PLPPR1: variants seen among roughly 807,000 people sequenced by gnomAD.
PLPPR1 encodes the protein phospholipid phosphatase related 1, also known as phospholipid phosphatase-related protein type 1.
A neutral mutation model predicts 33.1 loss-of-function variants in PLPPR1; 10 were observed. That is an observed-to-expected ratio of 0.30 (90% confidence interval 0.19 to 0.51). PLPPR1 has a LOEUF of 0.51. Among genes scored for constraint, PLPPR1 ranks in the 20% least tolerant of loss-of-function variants. PLPPR1 has a pLI of 0.97. For missense variants in PLPPR1, 304 were observed against 408.1 expected, an observed-to-expected ratio of 0.74 and a Z score of 2.20; for synonymous variants, 151 against 151.0, an observed-to-expected ratio of 1.00 and a Z score of 0.00.
chr9:101,244,646 GTC>G (rs1207866766), intron 2 of PLPPR1, among the ~76,000 whole-genome samples: 3 of 151,846 alleles, frequency 2.0e-5, no homozygotes, highest in African/African-American at 7.3e-5. Flanking sequence ...GCACATATAA[GTC>G]TCTATAATTT....
At chr9:101,260,652 C>T (rs904352559) in intron 2 of PLPPR1, among the ~76,000 whole-genome samples, 2 of 152,004 alleles carry the variant, frequency 1.3e-5, no homozygotes, top group Non-Finnish European at 2.9e-5. Flanking sequence ...ATAATGAGTT[C>T]CAGTTTAGAC....
intron 2 of PLPPR1, among the ~76,000 whole-genome samples, chr9:101,201,723 G>C (rs1442421459): frequency 2.6e-5 from 4 of 152,130 alleles, no homozygotes; most frequent in Non-Finnish European, 5.9e-5. Context: ...CCTTGTATCA[G>C]TTCACGGGTA....
intron 1 of PLPPR1, among the ~76,000 whole-genome samples, chr9:101,136,001 C>T (rs149542222): frequency 2.6e-5 from 4 of 152,280 alleles, no homozygotes; most frequent in East Asian, 3.9e-4. Context: ...TAGTGTGTTC[C>T]GTGACTGAAG....
Position 101,324,422 on chromosome 9 carries a change from CCA to C in PLPPR1, c.*368_*369del, listed in dbSNP as rs1252999758. The C allele has an allele frequency of 5.8e-6, 1 of 171,270 alleles. No homozygotes were observed. Among genetic ancestry groups the C allele is most frequent in the African/African-American group, 2.4e-5 (1 of 42,136 alleles). The allele number at this position is 171,270 out of a possible 1,614,324, so 10.6% of individuals were successfully genotyped here. On this transcript the variant is annotated 3_prime_UTR_variant, in exon 8 of 8. Transcript: ENST00000374874. ...AACAATTCACTTTAAACTTTTATTA[CCA>C]CAGTTGCTGCCTCCTCCAGAATTTT...
chr9:101,131,116 A>T (rs1468539471), intron 1 of PLPPR1, among the ~76,000 whole-genome samples: 2 of 152,204 alleles, frequency 1.3e-5, no homozygotes, highest in East Asian at 3.9e-4. Context: ...CCAATTGCAT[A>T]GTTAATAATG....
At chr9:101,034,120 G>A (rs1448879677) in intron 1 of PLPPR1, among the ~76,000 whole-genome samples, 1 of 152,080 alleles carries the variant, frequency 6.6e-6, no homozygotes, top group Non-Finnish European at 1.5e-5. Context: ...TTATGGGGCT[G>A]TAGGTACAGT....
chr9:101,218,265 G>A (rs76568325), intron 2 of PLPPR1, among the ~76,000 whole-genome samples: 1,555 of 152,190 alleles, frequency 0.01, 19 homozygotes, highest in African/African-American at 0.035. Context: ...CTGTTAAGTG[G>A]AAAGAATAAG....
At chr9:101,076,050 G>A (rs1830531717) in intron 1 of PLPPR1, among the ~76,000 whole-genome samples, 1 of 152,108 alleles carries the variant, frequency 6.6e-6, no homozygotes, top group African/African-American at 2.4e-5. Flanking sequence ...ACAGGGACTT[G>A]AGCAGGTACA....
At chr9:101,060,221 A>G (rs562530849) in intron 1 of PLPPR1, among the ~76,000 whole-genome samples, 2 of 152,228 alleles carry the variant, frequency 1.3e-5, no homozygotes, top group South Asian at 2.1e-4. Context: ...AGCCAGAAAC[A>G]GAAAGACAAA....
chr9:101,271,874 T>C (rs1207232624), intron 3 of PLPPR1, among the ~76,000 whole-genome samples: 2 of 152,168 alleles, frequency 1.3e-5, no homozygotes, highest in African/African-American at 4.8e-5. Flanking sequence ...TTTATAATTA[T>C]AGAGATTGTT....
intron 1 of PLPPR1, among the ~76,000 whole-genome samples, chr9:101,040,465 A>G (rs1157262853): frequency 6.6e-6 from 1 of 152,146 alleles, no homozygotes; most frequent in African/African-American, 2.4e-5. Flanking sequence ...GGATATACCC[A>G]AGATAGAATC....
At chr9:101,229,039 C>T (rs1478429060) in intron 2 of PLPPR1, among the ~76,000 whole-genome samples, 1 of 151,662 alleles carries the variant, frequency 6.6e-6, no homozygotes, top group Non-Finnish European at 1.5e-5. Flanking sequence ...TATGACCTGC[C>T]TTGTTCAAAT....
rs543237366 is a variant in PLPPR1 at position 101,267,730 on chromosome 9, T to TGGCTCATGCCTGTATAATCCTAGCA, written c.64-2149_64-2125dup. 3.3e-3 allele frequency among the ~76,000 whole-genome samples: 504 copies of TGGCTCATGCCTGTATAATCCTAGCA among 152,342 alleles called. 3 individuals carry two copies. The highest frequency in any genetic ancestry group is 0.012 in the African/African-American group (480 of 41,574). On this transcript the variant is annotated intron_variant, in intron 2 of 7. Transcript: ENST00000374874. ...AATTTGTACTTGAAGCTGGGTGCAG[T>TGGCTCATGCCTGTATAATCCTAGCA]GGCTCATGCCTGTATAATCCTAGCA...
intron 1 of PLPPR1, among the ~76,000 whole-genome samples, chr9:101,133,144 C>A (rs191741183): frequency 2.0e-5 from 3 of 152,078 alleles, no homozygotes; most frequent in African/African-American, 7.2e-5. Context: ...ATAGAATTTT[C>A]CCCATCAATA....
At chr9:101,284,426 A>G (rs1382721963) in intron 3 of PLPPR1, among the ~76,000 whole-genome samples, 1 of 152,196 alleles carries the variant, frequency 6.6e-6, no homozygotes, top group Non-Finnish European at 1.5e-5. Context: ...CACAAGAGGA[A>G]TAAGTTCAAG....
chr9:101,201,921 C>A (rs1182270419), intron 2 of PLPPR1, among the ~76,000 whole-genome samples: 1 of 152,144 alleles, frequency 6.6e-6, no homozygotes, highest in Non-Finnish European at 1.5e-5. Flanking sequence ...GCTTCTCAAC[C>A]TAATGACATA....
intron 1 of PLPPR1, among the ~76,000 whole-genome samples, chr9:101,155,818 T>A (rs1831676682): frequency 6.6e-6 from 1 of 152,196 alleles, no homozygotes; most frequent in Non-Finnish European, 1.5e-5. Flanking sequence ...CAGTCTAGTC[T>A]CTAACTCCCG....
intron 1 of PLPPR1, among the ~76,000 whole-genome samples, chr9:101,113,206 CTTTT>C (rs34152471): frequency 5.5e-5 from 8 of 144,286 alleles, no homozygotes; most frequent in Admixed American, 6.9e-5. Flanking sequence ...CATATTAATC[CTTTT>C]TTTTTTTTTT....
At chr9:101,243,093 G>A (rs1241296967) in intron 2 of PLPPR1, among the ~76,000 whole-genome samples, 1 of 151,974 alleles carries the variant, frequency 6.6e-6, no homozygotes, top group Non-Finnish European at 1.5e-5. Context: ...AGGCACAGAG[G>A]TATAACAAAG....
Sources: allele counts gnomAD v4.1 joint callset (sites outside exome capture counted in the v4.1 genomes callset), GRCh38; gene constraint gnomAD v4.1.1; transcripts MANE v1.5; gene names NCBI Gene and HGNC (gene_info 2026-07-23, HGNC 2026-07-21).